NKAIN3: variants seen among roughly 807,000 people sequenced by gnomAD.
NKAIN3 encodes sodium/potassium-transporting ATPase subunit beta-1-interacting protein 3.
A neutral mutation model predicts 30.2 loss-of-function variants in NKAIN3; 25 were observed. The observed-to-expected ratio is 0.83, with a 90% CI of 0.60 to 1.16. The LOEUF is 1.16. NKAIN3 is among the 50% of genes most tolerant of loss of function. The pLI is 0.00. For synonymous variants in NKAIN3, 91 were observed against 89.6 expected, an observed-to-expected ratio of 1.02 and a Z score of -0.09; for missense variants, 225 against 254.1, an observed-to-expected ratio of 0.89 and a Z score of 0.78.
At chr8:62,350,445 G>T (rs1262407624) in intron 1 of NKAIN3, among the ~76,000 whole-genome samples, 1 of 152,118 alleles carries the variant, frequency 6.6e-6, no homozygotes, top group Non-Finnish European at 1.5e-5. Flanking sequence ...AAGAGTGGTG[G>T]TTACTGGGGG....
At chr8:62,533,307 T>C (rs1172656718) in intron 1 of NKAIN3, among the ~76,000 whole-genome samples, 1 of 152,204 alleles carries the variant, frequency 6.6e-6, no homozygotes, top group African/African-American at 2.4e-5. Context: ...ACTAGAGCTA[T>C]TAACAGTCGA....
At chr8:62,415,859 G>T (rs958699752) in intron 1 of NKAIN3, among the ~76,000 whole-genome samples, 2 of 151,926 alleles carry the variant, frequency 1.3e-5, no homozygotes, top group Admixed American at 1.3e-4. Context: ...CCGGGTTCAC[G>T]CCATTCTCCT....
chr8:62,371,432 CT>C (rs1419858771), intron 1 of NKAIN3, among the ~76,000 whole-genome samples: 1 of 151,784 alleles, frequency 6.6e-6, no homozygotes, highest in Non-Finnish European at 1.5e-5. Flanking sequence ...GTTATTATTT[CT>C]TCCTCTGAGA....
At chr8:62,647,307 G>T (rs1165650248) in intron 3 of NKAIN3, among the ~76,000 whole-genome samples, 1 of 152,192 alleles carries the variant, frequency 6.6e-6, no homozygotes, top group Non-Finnish European at 1.5e-5. Context: ...ACTCCATGCA[G>T]ATGAAAAGCA....
chr8:62,599,267 T>G (rs1810921578), intron 3 of NKAIN3, among the ~76,000 whole-genome samples: 1 of 152,060 alleles, frequency 6.6e-6, no homozygotes, highest in Non-Finnish European at 1.5e-5. Flanking sequence ...CCCCATGCCT[T>G]TCAGCACTTG....
rs537247211 is a variant in NKAIN3, at chr8:62,463,962, A to G, written c.55-115577A>G. 2.0e-5 allele frequency among the ~76,000 whole-genome samples: 3 copies of G among 152,052 alleles called. No homozygotes were observed. The South Asian group carries it at 6.2e-4, about 32-fold the overall frequency. On this transcript the variant is annotated intron_variant, in intron 1 of 6. Coordinates refer to ENST00000623646, the MANE Select transcript of NKAIN3 (RefSeq NM_001304533.3). ...ACTACAGAAAGAAAAACTGCAGATG[A>G]GGGGGAATACTGTACCACAGATACA...
In NKAIN3 at chr8:62,918,433, A is replaced by ACATTT. The variant is rs1327525345; in HGVS notation, c.472-19_472-15dup. The stretch of plus-strand genomic sequence containing the variant: ...AACTTGGCATAGATTCTTAAGGTAC[A>ACATTT]CATTTTTTCCCTTTTGCAGTTGGTG... On this transcript the variant is annotated intron_variant, in intron 4 of 6. Coordinates refer to ENST00000623646, the MANE Select transcript of NKAIN3 (RefSeq NM_001304533.3). The ACATTT allele has an allele frequency of 1.0e-5, 16 of 1,591,304 alleles. No homozygotes were observed. Among genetic ancestry groups the ACATTT allele is most frequent in the African/African-American group, 1.3e-5 (1 of 74,552 alleles).
At chr8:62,824,308 C>G (rs1818949412) in intron 4 of NKAIN3, among the ~76,000 whole-genome samples, 1 of 152,072 alleles carries the variant, frequency 6.6e-6, no homozygotes, top group African/African-American at 2.4e-5. Context: ...GAGTGGCATG[C>G]CACTACACCT....
intron 1 of NKAIN3, among the ~76,000 whole-genome samples, chr8:62,313,099 C>T (rs1468465436): frequency 6.6e-6 from 1 of 151,874 alleles, no homozygotes; most frequent in African/African-American, 2.4e-5. Context: ...ATTCCTATCC[C>T]CCATTCTATT....
Position 62,453,073 on chromosome 8 carries a change from G to A in NKAIN3, c.55-126466G>A, listed in dbSNP as rs533589009. Among the ~76,000 whole-genome samples the A allele has an allele frequency of 4.6e-5, 7 of 152,168 alleles. 1 individual carries two copies. Among genetic ancestry groups the A allele is most frequent in the Admixed American group, 4.6e-4 (7 of 15,294 alleles). On this transcript the variant is annotated intron_variant, in intron 1 of 6. Transcript: ENST00000623646. Reference sequence around the variant, plus strand: ...CTGAATAAATATCACTTATGTGTTTGTTTTACTTGTAGTCTTTTTGAGTAT... The same window carrying A: ...CTGAATAAATATCACTTATGTGTTTATTTTACTTGTAGTCTTTTTGAGTAT...
At chr8:62,861,825 G>A (rs1820248329) in intron 4 of NKAIN3, among the ~76,000 whole-genome samples, 1 of 152,198 alleles carries the variant, frequency 6.6e-6, no homozygotes, top group Admixed American at 6.5e-5. Flanking sequence ...TCTGTGCAAA[G>A]AGCACCAGGT....
intron 1 of NKAIN3, among the ~76,000 whole-genome samples, chr8:62,518,532 G>T (rs184023477): frequency 3.2e-4 from 49 of 152,118 alleles, no homozygotes; most frequent in African/African-American, 6.0e-4. Flanking sequence ...CATGTGAACC[G>T]TTTCCGTGGT....
intron 4 of NKAIN3, among the ~76,000 whole-genome samples, chr8:62,792,032 C>A (rs1490190296): frequency 2.0e-5 from 3 of 152,072 alleles, no homozygotes; most frequent in African/African-American, 7.2e-5. Flanking sequence ...GGTATCACTA[C>A]CTCTTTAGTT....
intron 1 of NKAIN3, among the ~76,000 whole-genome samples, chr8:62,273,286 TG>T (rs1812831506): frequency 6.6e-6 from 1 of 152,216 alleles, no homozygotes; most frequent in Non-Finnish European, 1.5e-5. Flanking sequence ...GTGGGAGTTC[TG>T]TTATTTAATT....
Position 62,565,230 on chromosome 8 carries a change from A to G in NKAIN3, c.55-14309A>G, listed in dbSNP as rs147904486. ...ACATGTACTTTTATTATCCTATAATATCGGACACTTCATTTCCAAGCTCTC... is the reference window on the plus strand; with the variant it reads ...ACATGTACTTTTATTATCCTATAATGTCGGACACTTCATTTCCAAGCTCTC... On this transcript the variant is annotated intron_variant, in intron 1 of 6. Transcript: ENST00000623646. 6.4e-3 allele frequency among the ~76,000 whole-genome samples: 970 copies of G among 152,212 alleles called. 7 individuals carry two copies. The highest frequency in any genetic ancestry group is 0.024 in the Middle Eastern group (7 of 292).
intron 1 of NKAIN3, among the ~76,000 whole-genome samples, chr8:62,296,079 A>G (rs1357825556): frequency 2.6e-5 from 4 of 152,156 alleles, no homozygotes; most frequent in Non-Finnish European, 5.9e-5. Context: ...ATGCCCCCTT[A>G]GTATTTGCTG....
At chr8:62,249,896 T>A (rs762759153) in intron 1 of NKAIN3, among the ~76,000 whole-genome samples, 1 of 152,186 alleles carries the variant, frequency 6.6e-6, no homozygotes, top group Non-Finnish European at 1.5e-5. Context: ...GAGCAAATGC[T>A]CCTCTTAATC....
intron 1 of NKAIN3, among the ~76,000 whole-genome samples, chr8:62,347,275 G>A (rs1172288602): frequency 6.6e-6 from 1 of 152,130 alleles, no homozygotes; most frequent in African/African-American, 2.4e-5. Context: ...AGAGAACAAT[G>A]TATTGGTGGT....
At chr8:62,339,352 G>T (rs541432119) in intron 1 of NKAIN3, among the ~76,000 whole-genome samples, 1 of 152,122 alleles carries the variant, frequency 6.6e-6, no homozygotes, top group South Asian at 2.1e-4. Context: ...TTGCAGGAGA[G>T]GGCAAGGTCT....
Sources: allele counts gnomAD v4.1 joint callset (sites outside exome capture counted in the v4.1 genomes callset), GRCh38; gene constraint gnomAD v4.1.1; transcripts MANE v1.5; gene names NCBI Gene and HGNC (gene_info 2026-07-23, HGNC 2026-07-21).